Variants in ATXN7L1 observed in about 807,000 individuals in gnomAD.
ATXN7L1 encodes ataxin-7-like protein 1.
In ATXN7L1, 15 loss-of-function variants were observed where a neutral mutation model predicts 70.8. The observed-to-expected ratio is 0.21, with a 90% confidence interval of 0.14 to 0.33. ATXN7L1 has a LOEUF of 0.33. Among genes scored for constraint, ATXN7L1 ranks in the 10% least tolerant of loss-of-function variants. The probability of loss-of-function intolerance (pLI) is 1.00; values close to 1 mark genes in which losing one functional copy is unlikely to be tolerated. For synonymous variants in ATXN7L1, 440 were observed against 445.1 expected (o/e 0.99, Z 0.14); for missense variants, 975 against 1,097.1 (o/e 0.89, Z 1.57).
chr7:105,834,999 A>G (rs1812151768), intron 2 of ATXN7L1, among the ~76,000 whole-genome samples: 1 of 151,990 alleles, frequency 6.6e-6, no homozygotes, highest in Non-Finnish European at 1.5e-5. Context: ...TGGTTGAACC[A>G]AAACAATGGA....
chr7:105,740,785 A>ATTTTTTTTTGAG (rs1299928670), intron 3 of ATXN7L1, among the ~76,000 whole-genome samples: 1 of 72,540 alleles, frequency 1.4e-5, no homozygotes, highest in Non-Finnish European at 2.5e-5. Flanking sequence ...TTTTTTTTTT[A>ATTTTTTTTTGAG]ATGGAGTCTC....
intron 2 of ATXN7L1, among the ~76,000 whole-genome samples, chr7:105,812,521 T>C (rs570650423): frequency 6.6e-6 from 1 of 152,230 alleles, no homozygotes; most frequent in East Asian, 1.9e-4. Context: ...CAAACTTTAC[T>C]GAGCATATCA....
At chr7:105,646,770 C>T (rs75062495) in intron 4 of ATXN7L1, among the ~76,000 whole-genome samples, 1 of 118,492 alleles carries the variant, frequency 8.4e-6, no homozygotes, top group African/African-American at 3.1e-5. Context: ...CATGTCTCTA[C>T]AAAAAAAAAA....
At chr7:105,680,268 G>A (rs1302734298) in intron 3 of ATXN7L1, among the ~76,000 whole-genome samples, 1 of 152,146 alleles carries the variant, frequency 6.6e-6, no homozygotes, top group African/African-American at 2.4e-5. Flanking sequence ...GCATTATAAT[G>A]ACTGCCTATG....
chr7:105,740,889 T>C (rs976370365), intron 3 of ATXN7L1, among the ~76,000 whole-genome samples: 1 of 151,364 alleles, frequency 6.6e-6, no homozygotes, highest in Admixed American at 6.6e-5. Context: ...CTCAGCCTCC[T>C]GAGTAGCTGG....
chr7:105,650,596 A>T (rs1220471955), intron 4 of ATXN7L1, among the ~76,000 whole-genome samples: 2 of 152,210 alleles, frequency 1.3e-5, no homozygotes, highest in African/African-American at 2.4e-5. Context: ...CAAAAGAAAA[A>T]TGGGTTAGCA....
intron 3 of ATXN7L1, among the ~76,000 whole-genome samples, chr7:105,742,869 G>C (rs1798165153): frequency 6.6e-6 from 1 of 152,108 alleles, no homozygotes; most frequent in Admixed American, 6.5e-5. Flanking sequence ...CAGGTCACTG[G>C]CTGGGGATCC....
intron 2 of ATXN7L1, among the ~76,000 whole-genome samples, chr7:105,827,398 G>A (rs1811018310): frequency 6.6e-6 from 1 of 152,160 alleles, no homozygotes; most frequent in Non-Finnish European, 1.5e-5. Flanking sequence ...GTCTTTAGGA[G>A]AATAATAGCA....
At chr7:105,809,044 A>T (rs917724214) in intron 2 of ATXN7L1, among the ~76,000 whole-genome samples, 3 of 152,210 alleles carry the variant, frequency 2.0e-5, no homozygotes, top group African/African-American at 7.2e-5. Flanking sequence ...GAGCCCTTTT[A>T]TACTATGGTC....
intron 3 of ATXN7L1, among the ~76,000 whole-genome samples, chr7:105,722,379 T>G (rs897519387): frequency 1.3e-5 from 2 of 151,720 alleles, no homozygotes; most frequent in African/African-American, 4.8e-5. Flanking sequence ...CTGGCCAACA[T>G]GATGAAACTC....
rs1175191341 is a variant in ATXN7L1, at chr7:105,876,576, A to T, written c.-18T>A. ...GACGTCATCTTCGGAACGTTCCGAC[A>T]TTGAGTGTTCTGAAAGGGGGAGGGA... On this transcript the variant is annotated 5_prime_UTR_variant, in exon 1 of 12. It removes an upstream start codon present in the reference 5' UTR. Coordinates refer to ENST00000419735, the MANE Select transcript of ATXN7L1 (RefSeq NM_020725.2). 6.3e-6 allele frequency: 7 copies of T among 1,118,074 alleles called. No homozygotes were observed. Among genetic ancestry groups the T allele is most frequent in the African/African-American group, 1.7e-5 (1 of 57,508 alleles). The allele number at this position is 1,118,074 out of a possible 1,614,324, so 69.3% of individuals were successfully genotyped here.
intron 3 of ATXN7L1, among the ~76,000 whole-genome samples, chr7:105,716,665 GCACACACACACA>G (rs58217531): frequency 0.012 from 1,530 of 125,514 alleles, 22 homozygotes; most frequent in African/African-American, 0.022. Context: ...ACCTATCTCT[GCACACACACACA>G]CACACACACA....
At chr7:105,694,470 G>A (rs376303009) in intron 3 of ATXN7L1, among the ~76,000 whole-genome samples, 1 of 152,182 alleles carries the variant, frequency 6.6e-6, no homozygotes, top group Non-Finnish European at 1.5e-5. Flanking sequence ...ATTTGATCCT[G>A]TGAGGTGGGA....
At chr7:105,712,616 A>G (rs1310725241) in intron 3 of ATXN7L1, among the ~76,000 whole-genome samples, 1 of 152,218 alleles carries the variant, frequency 6.6e-6, no homozygotes, top group Non-Finnish European at 1.5e-5. Flanking sequence ...CAGGGGGGAA[A>G]TGCTGCCAGT....
chr7:105,681,601 C>A (rs1805565641), intron 3 of ATXN7L1, among the ~76,000 whole-genome samples: 1 of 152,096 alleles, frequency 6.6e-6, no homozygotes, highest in Non-Finnish European at 1.5e-5. Flanking sequence ...TGGGTATACC[C>A]ACATTCATAG....
At chr7:105,618,694 C>T (rs902794670) in intron 9 of ATXN7L1, among the ~76,000 whole-genome samples, 5 of 152,140 alleles carry the variant, frequency 3.3e-5, no homozygotes, top group Non-Finnish European at 7.3e-5. Flanking sequence ...TGTTGTCCTT[C>T]CTGGACTGTC....
intron 3 of ATXN7L1, among the ~76,000 whole-genome samples, chr7:105,687,175 G>A (rs1018628915): frequency 1.3e-5 from 2 of 152,164 alleles, no homozygotes; most frequent in African/African-American, 4.8e-5. Context: ...CAGAGATGGC[G>A]CCTGGTTCTA....
chr7:105,619,140 G>GTTTTTTTTCTTTTTTTTTTTTTT (rs1794388200), intron 9 of ATXN7L1, among the ~76,000 whole-genome samples: 1 of 49,846 alleles, frequency 2.0e-5, no homozygotes, highest in Non-Finnish European at 3.3e-5. Flanking sequence ...GAAATCTTTA[G>GTTTTTTTTCTTTTTTTTTTTTTT]TTTTTTTTTT....
At chr7:105,781,094 G>A (rs1215040055) in intron 3 of ATXN7L1, among the ~76,000 whole-genome samples, 2 of 152,138 alleles carry the variant, frequency 1.3e-5, no homozygotes, top group African/African-American at 2.4e-5. Context: ...TATCCAGTAG[G>A]TAGAGGTCAG....
Sources: allele counts gnomAD v4.1 joint callset (sites outside exome capture counted in the v4.1 genomes callset), GRCh38; gene constraint gnomAD v4.1.1; transcripts MANE v1.5; gene names NCBI Gene and HGNC (gene_info 2026-07-23, HGNC 2026-07-21).